The following OPCML variants were observed in gnomAD, a reference collection of about 807,000 sequenced individuals.
OPCML encodes opioid-binding protein/cell adhesion molecule.
Under a neutral mutation model 37.8 loss-of-function variants are expected in OPCML, and 13 were observed. The observed-to-expected ratio is 0.34, with a 90% CI of 0.22 to 0.55. OPCML has a LOEUF of 0.55. OPCML is among the 20% of genes least tolerant of loss of function. The pLI, the probability that OPCML is intolerant of heterozygous loss-of-function variation, is 0.91. For synonymous variants in OPCML, 176 were observed against 168.8 expected (o/e 1.04, Z -0.33); for missense variants, 341 against 435.6 (o/e 0.78, Z 1.93).
intron 2 of OPCML, among the ~76,000 whole-genome samples, chr11:132,848,760 C>T (rs1197990613): frequency 1.3e-5 from 2 of 152,182 alleles, no homozygotes; most frequent in African/African-American, 4.8e-5. Context: ...CTTATGCTGC[C>T]TCTCATCAGC....
At chr11:132,437,493 C>G in intron 4 of OPCML, 134 bp from the exon 5 acceptor site, 1 of 1,474,058 alleles carries the variant, frequency 6.8e-7, no homozygotes, top group South Asian at 1.4e-5. Flanking sequence ...AAGTCAAAGA[C>G]ATAGGGCATC....
In OPCML at chr11:133,297,244, C is replaced by T. The variant is rs1240105259; in HGVS notation, c.61+235020G>A. ...GAATAAGGTGGGTTAGAGTTTACTG[C>T]AACCACCTTATATTCCACTGAGATT... On this transcript the variant is annotated intron_variant, in intron 1 of 7. Coordinates refer to ENST00000524381, the MANE Select transcript of OPCML (RefSeq NM_001012393.5). 2.0e-5 allele frequency: 3 copies of T among 152,234 alleles called. No homozygotes were observed. In the East Asian group the frequency reaches 5.8e-4, roughly 29 times the overall value. 9.4% of individuals were successfully genotyped at this position (152,234 alleles called of 1,614,324 possible). A position where few individuals can be genotyped will look rare whatever the true frequency, so the allele number is the denominator to read the frequency against.
chr11:133,090,294 G>A (rs1948884603), intron 1 of OPCML, among the ~76,000 whole-genome samples: 1 of 152,104 alleles, frequency 6.6e-6, no homozygotes, highest in African/African-American at 2.4e-5. Flanking sequence ...ATGGGGACAT[G>A]GCTTTGGAAC....
chr11:132,446,331 AGGAG>A (rs58008878), intron 4 of OPCML, among the ~76,000 whole-genome samples: 3 of 138,618 alleles, frequency 2.2e-5, no homozygotes, highest in South Asian at 2.7e-4. Flanking sequence ...AGAGAGGCAG[AGGAG>A]GGAGGGAGGG....
Position 132,870,598 on chromosome 11 carries a change from C to T in OPCML, c.146+72328G>A, listed in dbSNP as rs138808886. ...TCAGACTGTCGAAGAGATGTCTGCC[C>T]TCTCATGTTCATCGCAGCACTGTTG... On this transcript the variant is annotated intron_variant, in intron 2 of 7. Coordinates refer to ENST00000524381, the MANE Select transcript of OPCML (RefSeq NM_001012393.5). 5.9e-3 allele frequency among the ~76,000 whole-genome samples: 892 copies of T among 152,244 alleles called. 11 individuals are homozygous for T. The highest frequency in any genetic ancestry group is 0.02 in the African/African-American group (848 of 41,536).
intron 2 of OPCML, among the ~76,000 whole-genome samples, chr11:132,897,934 G>A (rs1055917010): frequency 1.3e-5 from 2 of 152,212 alleles, no homozygotes; most frequent in African/African-American, 4.8e-5. Context: ...ACCCAAAGAT[G>A]AGCTCCACAG....
intron 1 of OPCML, among the ~76,000 whole-genome samples, chr11:133,358,843 C>T (rs1185021206): frequency 6.6e-6 from 1 of 152,084 alleles, no homozygotes; most frequent in Non-Finnish European, 1.5e-5. Context: ...GGAGGTGTTC[C>T]CCCCACCCCC....
At chr11:132,803,254 C>G (rs1272111010) in intron 2 of OPCML, among the ~76,000 whole-genome samples, 1 of 152,194 alleles carries the variant, frequency 6.6e-6, no homozygotes, top group South Asian at 2.1e-4. Context: ...TAGAAATACG[C>G]TCCTTGAAGA....
intron 2 of OPCML, among the ~76,000 whole-genome samples, chr11:132,927,292 A>G (rs753302701): frequency 1.4e-4 from 22 of 152,186 alleles, no homozygotes; most frequent in Non-Finnish European, 3.1e-4. Context: ...GAGAATCTTG[A>G]AAGTAGCAAG....
At chr11:133,371,272 A>G (rs541049278) in intron 1 of OPCML, among the ~76,000 whole-genome samples, 14 of 152,236 alleles carry the variant, frequency 9.2e-5, no homozygotes, top group Non-Finnish European at 2.1e-4. Flanking sequence ...AAATTAAAAA[A>G]TATAACTACC....
At chr11:133,009,152 T>C in intron 1 of OPCML, 1 of 985,350 alleles carries the variant, frequency 1.0e-6, no homozygotes, top group Non-Finnish European at 1.2e-6. Flanking sequence ...TTAGGATTTA[T>C]TTACTCTTTG....
chr11:133,253,709 A>G (rs1199792940), intron 1 of OPCML, among the ~76,000 whole-genome samples: 1 of 152,236 alleles, frequency 6.6e-6, no homozygotes, highest in Non-Finnish European at 1.5e-5. Context: ...GAATAAGCAA[A>G]TAAACAAACT....
At chr11:133,037,379 G>T (rs573914571) in intron 1 of OPCML, among the ~76,000 whole-genome samples, 1 of 152,158 alleles carries the variant, frequency 6.6e-6, no homozygotes, top group Non-Finnish European at 1.5e-5. Flanking sequence ...TACTGGAAGC[G>T]TTCAAGTTGA....
chr11:133,377,612 G>GGAAAAAAAAAAAAAAAAAAA (rs1555148303), intron 1 of OPCML, among the ~76,000 whole-genome samples: 1 of 79,088 alleles, frequency 1.3e-5, no homozygotes, highest in African/African-American at 5.8e-5. Context: ...CCAGTATTCA[G>GGAAAAAAAAAAAAAAAAAAA]AAAAAAAAAA....
intron 3 of OPCML, among the ~76,000 whole-genome samples, chr11:132,635,324 A>C (rs949657157): frequency 6.6e-6 from 1 of 152,208 alleles, no homozygotes; most frequent in Non-Finnish European, 1.5e-5. Context: ...AATTATTTCC[A>C]ATTCGATTCC....
At chr11:133,008,040 T>C (rs938163867) in intron 1 of OPCML, 1 of 985,328 alleles carries the variant, frequency 1.0e-6, no homozygotes, top group African/African-American at 1.7e-5. Context: ...TGTCTCATTG[T>C]TGAGATCTTG....
intron 1 of OPCML, among the ~76,000 whole-genome samples, chr11:133,093,725 T>C (rs751404586): frequency 3.3e-5 from 5 of 152,094 alleles, no homozygotes; most frequent in Non-Finnish European, 7.4e-5. Context: ...CTGACTGACG[T>C]TGAATATAGA....
chr11:133,461,512 A>G (rs1340647235), intron 1 of OPCML, among the ~76,000 whole-genome samples: 1 of 151,980 alleles, frequency 6.6e-6, no homozygotes, highest in Non-Finnish European at 1.5e-5. Context: ...AACATAAAAT[A>G]CTTAAGAATA....
intron 1 of OPCML, among the ~76,000 whole-genome samples, chr11:132,947,889 C>T (rs1395503): frequency 0.94 from 142,931 of 152,308 alleles, 67,095 homozygotes; most frequent in East Asian, 0.99. Context: ...TGCATTATAC[C>T]TACTGTTGAG....
Sources: gnomAD v4.1 joint callset for allele counts (sites outside exome capture counted in the v4.1 genomes callset) on GRCh38, gnomAD v4.1.1 for gene constraint, MANE v1.5 for transcripts, NCBI Gene and HGNC (gene_info 2026-07-23, HGNC 2026-07-21) for gene names.